The following GRK5 variants were observed in gnomAD, a reference collection of about 807,000 sequenced individuals.
The protein encoded by GRK5 is G protein-coupled receptor kinase 5.
GRK5 carries 40 observed loss-of-function variants against 78.4 expected under a neutral mutation model. That is an observed-to-expected ratio of 0.51 (90% confidence interval 0.40 to 0.66). The LOEUF (loss-of-function observed/expected upper bound fraction) is 0.66, where lower values mean the gene tolerates loss of function less well. Ranked by LOEUF, GRK5 falls within the 30% of genes least tolerant of loss-of-function variation. GRK5 has a pLI of 0.00. For missense variants in GRK5, 598 were observed against 759.9 expected, an observed-to-expected ratio of 0.79 and a Z score of 2.50; for synonymous variants, 289 against 296.8, an observed-to-expected ratio of 0.97 and a Z score of 0.27.
intron 2 of GRK5, among the ~76,000 whole-genome samples, chr10:119,366,195 A>C (rs1851446558): frequency 6.6e-6 from 1 of 152,214 alleles, no homozygotes; most frequent in Admixed American, 6.5e-5. Context: ...GGGGACTTTA[A>C]GACACACCCT....
intron 9 of GRK5, among the ~76,000 whole-genome samples, chr10:119,437,592 C>T (rs925759923): frequency 2.0e-5 from 3 of 152,106 alleles, no homozygotes; most frequent in Admixed American, 2.0e-4. Flanking sequence ...AATTGATTTC[C>T]ACCTGCATTT....
intron 1 of GRK5, among the ~76,000 whole-genome samples, chr10:119,268,482 G>A (rs763937449): frequency 1.3e-5 from 2 of 152,190 alleles, no homozygotes; most frequent in Non-Finnish European, 2.9e-5. Flanking sequence ...TGCCCAAGAC[G>A]AGGTGTGATT....
Position 119,453,221 on chromosome 10 carries a change from A to C in GRK5, c.1619A>C (p.Asn540Thr), listed in dbSNP as rs758698914. ...ACCCTCCCGCCAGATCTGAACAGAA[A>C]CCACCCTCCGGAACCGCCCAAGAAA... ...NGTLPPDLNR[N>T]HPPEPPKKGL... The change falls in exon 15 of 16, where the codon AAC becomes ACC. Residue 540 changes from asparagine (N) to threonine (T), a missense_variant. By Grantham distance (65) the Asn-to-Thr change is moderately conservative. Transcript: ENST00000392870. 1 of 1,613,650 alleles carries C rather than the reference A, an allele frequency of 6.2e-7. No homozygotes were observed. The highest frequency in any genetic ancestry group is 8.5e-7 in the Non-Finnish European group (1 of 1,179,824).
rs181496060 is a variant in GRK5 at position 119,209,695 on chromosome 10, G to T, written c.52+1726G>T. Among the ~76,000 whole-genome samples the T allele has an allele frequency of 2.3e-3, 344 of 151,770 alleles. 3 individuals carry two copies. Among genetic ancestry groups the T allele is most frequent in the South Asian group, 0.018 (87 of 4,762 alleles). ...GACACGGTTGTGTATCTCAGGATTC[G>T]GGGGCTGGGAAAGTTTTCACTCTCG... On this transcript the variant is annotated intron_variant, in intron 1 of 15. Coordinates refer to ENST00000392870, the MANE Select transcript of GRK5 (RefSeq NM_005308.3).
intron 3 of GRK5, among the ~76,000 whole-genome samples, chr10:119,395,966 G>T (rs138078903): frequency 6.3e-4 from 96 of 152,326 alleles, no homozygotes; most frequent in African/African-American, 2.3e-3. Flanking sequence ...CTCTTTCGAG[G>T]TTCAGATAAG....
chr10:119,247,359 C>T (rs547971263), intron 1 of GRK5, among the ~76,000 whole-genome samples: 4 of 152,308 alleles, frequency 2.6e-5, no homozygotes, highest in African/African-American at 9.6e-5. Flanking sequence ...AGGGAAATCT[C>T]ATTTCCACAG....
chr10:119,321,705 G>A (rs1850588781), intron 1 of GRK5, among the ~76,000 whole-genome samples: 1 of 152,152 alleles, frequency 6.6e-6, no homozygotes, highest in African/African-American at 2.4e-5. Context: ...CTAGGGATTA[G>A]GGCATCCCTG....
intron 3 of GRK5, among the ~76,000 whole-genome samples, chr10:119,394,235 T>G: frequency 7.8e-6 from 1 of 128,276 alleles, no homozygotes. Context: ...GGTGTGGGTG[T>G]GTGGGTGTCT....
At chr10:119,298,755 C>T (rs1305700120) in intron 1 of GRK5, among the ~76,000 whole-genome samples, 3 of 152,144 alleles carry the variant, frequency 2.0e-5, no homozygotes, top group African/African-American at 7.2e-5. Context: ...ACCCTTCGTT[C>T]TTTTCATGCT....
At chr10:119,364,885 C>T (rs996518859) in intron 2 of GRK5, among the ~76,000 whole-genome samples, 13 of 152,332 alleles carry the variant, frequency 8.5e-5, no homozygotes, top group Non-Finnish European at 7.3e-5. Context: ...TTATGGGTTA[C>T]ATTTTTAGAC....
Position 119,448,103 on chromosome 10 carries a change from C to T in GRK5, c.1267-20C>T, listed in dbSNP as rs1318248308. ...AGGAGAGGCCCAGGGGACGTGGCTTCATGGGGCTCTCTGTTTCAGCTGCTC... is the reference window on the plus strand; with the variant it reads ...AGGAGAGGCCCAGGGGACGTGGCTTTATGGGGCTCTCTGTTTCAGCTGCTC... On this transcript the variant is annotated intron_variant, in intron 12 of 15. Coordinates refer to ENST00000392870, the MANE Select transcript of GRK5 (RefSeq NM_005308.3). The T allele has an allele frequency of 2.0e-6, 3 of 1,526,920 alleles. No individual in the cohort carries two copies. Among genetic ancestry groups the T allele is most frequent in the Non-Finnish European group, 8.8e-7 (1 of 1,142,246 alleles). The allele number at this position is 1,526,920 out of a possible 1,614,324, so 94.6% of individuals were successfully genotyped here. A position where few individuals can be genotyped will look rare whatever the true frequency, so the allele number is the denominator to read the frequency against.
chr10:119,380,840 C>G lies in GRK5; in HGVS notation c.174C>G (p.Asp58Glu), dbSNP rs1040210830. 2.3e-5 allele frequency: 37 copies of G among 1,611,860 alleles called. No homozygotes were observed. Among genetic ancestry groups the G allele is most frequent in the Non-Finnish European group, 3.0e-5 (35 of 1,178,090 alleles). The change falls in exon 3 of 16, where the codon GAC becomes GAG. Residue 58 changes from aspartate to glutamate, a missense_variant. Transcript: ENST00000392870. ...ACAGAGATTACTGCAGTTTATGTGA[C>G]AAGCAGCCAATCGGGAGGCTGCTTT... ...TIDRDYCSLC[D>E]KQPIGRLLFR... is the part of the protein sequence containing the mutation.
At chr10:119,328,609 A>G (rs918092463) in intron 2 of GRK5, among the ~76,000 whole-genome samples, 3 of 152,226 alleles carry the variant, frequency 2.0e-5, no homozygotes, top group African/African-American at 4.8e-5. Flanking sequence ...TTACCTCACA[A>G]CCCATTCACT....
At chr10:119,307,980 C>T (rs751147999) in intron 1 of GRK5, among the ~76,000 whole-genome samples, 42 of 152,146 alleles carry the variant, frequency 2.8e-4, no homozygotes, top group Non-Finnish European at 5.3e-4. Context: ...CATGGGGAAC[C>T]TGGGGCCCCA....
intron 4 of GRK5, among the ~76,000 whole-genome samples, chr10:119,419,556 G>C (rs983119258): frequency 6.6e-6 from 1 of 152,244 alleles, no homozygotes; most frequent in African/African-American, 2.4e-5. Context: ...AGTCGAGCCA[G>C]TGGTTATAAA....
chr10:119,221,917 A>G (rs1295181855), intron 1 of GRK5, among the ~76,000 whole-genome samples: 2 of 152,178 alleles, frequency 1.3e-5, no homozygotes, highest in African/African-American at 4.8e-5. Flanking sequence ...AATTAGGGAA[A>G]TTAAGGTTGA....
intron 3 of GRK5, among the ~76,000 whole-genome samples, chr10:119,393,125 G>T (rs1851913582): frequency 6.6e-6 from 1 of 152,242 alleles, no homozygotes; most frequent in African/African-American, 2.4e-5. Context: ...CCACTGTGGA[G>T]ACATGGCCTG....
At chr10:119,393,046 G>A (rs1851911831) in intron 3 of GRK5, among the ~76,000 whole-genome samples, 1 of 152,216 alleles carries the variant, frequency 6.6e-6, no homozygotes, top group East Asian at 1.9e-4. Flanking sequence ...CCTTGAGCTC[G>A]GCCCATCCAG....
intron 3 of GRK5, among the ~76,000 whole-genome samples, chr10:119,383,070 C>T (rs111690180): frequency 6.6e-6 from 1 of 152,016 alleles, no homozygotes; most frequent in East Asian, 1.9e-4. Flanking sequence ...TACAGGCGCC[C>T]GCCACTACAC....
Sources: allele counts gnomAD v4.1 joint callset (sites outside exome capture counted in the v4.1 genomes callset), GRCh38; gene constraint gnomAD v4.1.1; transcripts MANE v1.5; gene names NCBI Gene and HGNC (gene_info 2026-07-23, HGNC 2026-07-21).